The following XPO4 variants were observed in gnomAD, a reference collection of about 807,000 sequenced individuals.
XPO4 encodes exportin-4.
Under a neutral mutation model 143.0 loss-of-function variants are expected in XPO4, and 39 were observed. The observed-to-expected ratio is 0.27, with a 90% confidence interval of 0.21 to 0.36. The LOEUF (loss-of-function observed/expected upper bound fraction) is 0.36, where lower values mean the gene tolerates loss of function less well. Ranked by LOEUF, XPO4 falls within the 10% of genes least tolerant of loss-of-function variation. XPO4 has a pLI of 1.00. For synonymous variants in XPO4, 439 were observed against 474.0 expected, an observed-to-expected ratio of 0.93 and a Z score of 0.96; for missense variants, 907 against 1,348.0, an observed-to-expected ratio of 0.67 and a Z score of 5.12.
At chr13:20,785,899 A>G (rs1406518372) in intron 22 of XPO4, among the ~76,000 whole-genome samples, 2 of 45,692 alleles carry the variant, frequency 4.4e-5, no homozygotes, top group African/African-American at 7.5e-5. Flanking sequence ...AAAGAAAGAA[A>G]GAGGAGGGAG....
chr13:20,797,303 C>T (rs576027775), intron 16 of XPO4, among the ~76,000 whole-genome samples: 1 of 152,186 alleles, frequency 6.6e-6, no homozygotes, highest in East Asian at 1.9e-4. Flanking sequence ...AGAATTCTGC[C>T]ATTTCCCTCC....
intron 4 of XPO4, chr13:20,852,348 T>G: frequency 1.0e-6 from 1 of 985,422 alleles, no homozygotes; most frequent in Non-Finnish European, 1.2e-6. Context: ...AAGGATAATA[T>G]TTCCAAGTAG....
At chr13:20,786,861 G>T in intron 22 of XPO4, 104 bp downstream of exon 22, 2 of 832,032 alleles carry the variant, frequency 2.4e-6, no homozygotes, top group Non-Finnish European at 3.6e-6. Flanking sequence ...GAAGCACTGA[G>T]TCACAGATCC....
rs572822150 is a variant in XPO4 at position 20,893,452 on chromosome 13, C to A, written c.69+9218G>T. 1.1e-4 allele frequency among the ~76,000 whole-genome samples: 17 copies of A among 152,206 alleles called. No homozygotes were observed. The East Asian group carries it at 2.9e-3, about 26-fold the overall frequency. On this transcript the variant is annotated intron_variant, in intron 1 of 22. Transcript: ENST00000255305. ...ATGAGGATATGGAATGAAACACGGT[C>A]TCCATGGCCAAGCACGGTGGCTCAT...
chr13:20,902,502 G>A (rs992242130), intron 1 of XPO4, 168 bp downstream of exon 1: 66 of 985,428 alleles, frequency 6.7e-5, no homozygotes, highest in Admixed American at 3.7e-4. Context: ...ACGGCAGGAG[G>A]AAAGTAGGCT....
intron 1 of XPO4, among the ~76,000 whole-genome samples, chr13:20,886,633 T>C (rs1470427183): frequency 6.6e-6 from 1 of 151,072 alleles, no homozygotes. Context: ...AAAATAAAAC[T>C]ATAGTTTACA....
At chr13:20,841,638 C>G (rs2059974612) in intron 6 of XPO4, among the ~76,000 whole-genome samples, 1 of 152,026 alleles carries the variant, frequency 6.6e-6, no homozygotes, top group Non-Finnish European at 1.5e-5. Flanking sequence ...GAGTCAGACT[C>G]ACTTTACCTG....
At chr13:20,863,388 T>TA (rs1296818037) in intron 2 of XPO4, among the ~76,000 whole-genome samples, 1 of 152,048 alleles carries the variant, frequency 6.6e-6, no homozygotes, top group Non-Finnish European at 1.5e-5. Flanking sequence ...TCTCAAAATA[T>TA]AAAAAACAAT....
chr13:20,825,574 G>A (rs1228030031), intron 7 of XPO4, among the ~76,000 whole-genome samples: 1 of 152,164 alleles, frequency 6.6e-6, no homozygotes, highest in African/African-American at 2.4e-5. Context: ...CAGCTGTCTG[G>A]TTTGTCTAGA....
intron 18 of XPO4, among the ~76,000 whole-genome samples, chr13:20,791,928 G>A (rs544446295): frequency 1.3e-5 from 2 of 152,290 alleles, no homozygotes; most frequent in Admixed American, 1.3e-4. Context: ...GTTAAAGCAG[G>A]AGTCACCAAA....
In XPO4 at chr13:20,853,108, A is replaced by T. The variant is rs572383849; in HGVS notation, c.456+2519T>A. 22 of 923,708 alleles carry T rather than the reference A, an allele frequency of 2.4e-5. 1 individual carries two copies. In the South Asian group the frequency reaches 8.5e-4, roughly 36 times the overall value. 57.2% of individuals were successfully genotyped at this position (923,708 alleles called of 1,614,324 possible). ...GCATTTTGGAAGGCTGAGGCAAGAG[A>T]TCACTTGAGCCCAGGAGTTCGAGAC... On this transcript the variant is annotated intron_variant, in intron 4 of 22. Coordinates refer to ENST00000255305, the MANE Select transcript of XPO4 (RefSeq NM_022459.5).
intron 13 of XPO4, among the ~76,000 whole-genome samples, chr13:20,806,102 A>G (rs1367057354): frequency 6.6e-6 from 1 of 152,216 alleles, no homozygotes; most frequent in Non-Finnish European, 1.5e-5. Context: ...AGCACCCTGA[A>G]ATGAACTGCT....
At chr13:20,829,905 C>T (rs937664644) in intron 6 of XPO4, among the ~76,000 whole-genome samples, 1 of 152,126 alleles carries the variant, frequency 6.6e-6, no homozygotes, top group African/African-American at 2.4e-5. Flanking sequence ...TCATATAATT[C>T]TCTCCTCTAT....
chr13:20,796,774 T>C lies in XPO4; in HGVS notation c.2606A>G (p.Tyr869Cys). Residue 869 changes from tyrosine to cysteine, a missense_variant, in exon 17 of 23, where the codon TAT becomes TGT. Physicochemically the swap from Tyr to Cys is radical, Grantham distance 194 (BLOSUM62 -2). Transcript: ENST00000255305. ...FVEVAHKQIC[Y>C]LGESKAMNLY... ...TTAGAAAGTGCTTACCTCTCCAAGA[T>C]AGCATATCTGTTTATGTGCAACTTC... is the stretch of plus-strand genomic sequence containing the variant. 1 of 1,609,928 alleles carries C rather than the reference T, an allele frequency of 6.2e-7. No individual in the cohort carries two copies. Among genetic ancestry groups the C allele is most frequent in the South Asian group, 1.1e-5 (1 of 90,430 alleles).
At chr13:20,853,659 C>CAATACTAAGATT (rs1162632503) in intron 4 of XPO4, among the ~76,000 whole-genome samples, 1 of 152,056 alleles carries the variant, frequency 6.6e-6, no homozygotes, top group Non-Finnish European at 1.5e-5. Context: ...TTAAATTTCA[C>CAATACTAAGATT]AATACTAAGA....
At chr13:20,884,362 G>A (rs548443678) in intron 1 of XPO4, among the ~76,000 whole-genome samples, 7 of 152,230 alleles carry the variant, frequency 4.6e-5, no homozygotes, top group South Asian at 4.1e-4. Context: ...GGGCAAGAGG[G>A]TGAGACCCTG....
intron 6 of XPO4, among the ~76,000 whole-genome samples, chr13:20,835,109 A>G (rs2059900931): frequency 6.6e-6 from 1 of 152,208 alleles, no homozygotes; most frequent in African/African-American, 2.4e-5. Flanking sequence ...AGCTCAAGCC[A>G]TACTCCTGCC....
chr13:20,884,426 A>G (rs142458656), intron 1 of XPO4, among the ~76,000 whole-genome samples: 56 of 151,718 alleles, frequency 3.7e-4, no homozygotes, highest in African/African-American at 1.0e-3. Flanking sequence ...GATCCGATCC[A>G]ATCCAATCCA....
rs1218728860 is a variant in XPO4 at position 20,898,019 on chromosome 13, C to T, written c.69+4651G>A. Among the ~76,000 whole-genome samples, 83 of 152,260 alleles carry T rather than the reference C, an allele frequency of 5.5e-4. 1 individual carries two copies. On this transcript the variant is annotated intron_variant, in intron 1 of 22. Transcript: ENST00000255305. ...CCACCTACTTTGGCCTCCCAAAGTG[C>T]TAGGATTACAGGTGTGAGCCACCAT...
Sources: gnomAD v4.1 joint callset for allele counts (sites outside exome capture counted in the v4.1 genomes callset) on GRCh38, gnomAD v4.1.1 for gene constraint, MANE v1.5 for transcripts, NCBI Gene and HGNC (gene_info 2026-07-23, HGNC 2026-07-21) for gene names.